SYNE1: variants seen among roughly 807,000 people sequenced by gnomAD.
The protein encoded by SYNE1 is spectrin repeat containing nuclear envelope protein 1.
A neutral mutation model predicts 1,111.0 loss-of-function variants in SYNE1; 616 were observed. That is an observed-to-expected ratio of 0.55 (90% CI 0.52 to 0.59). The LOEUF (loss-of-function observed/expected upper bound fraction) is 0.59. Among genes scored for constraint, SYNE1 ranks in the 20% least tolerant of loss-of-function variants. The pLI is 0.00. For missense variants in SYNE1, 10,006 were observed against 10,417.0 expected, an observed-to-expected ratio of 0.96 and a Z score of 1.72; for synonymous variants, 3,855 against 3,825.8, an observed-to-expected ratio of 1.01 and a Z score of -0.28.
intron 51 of SYNE1, among the ~76,000 whole-genome samples, chr6:152,393,381 TA>T (rs1254249618): frequency 6.6e-6 from 1 of 152,088 alleles, no homozygotes; most frequent in Non-Finnish European, 1.5e-5. Flanking sequence ...CTGGGTGTGT[TA>T]TATTGTATCT....
At chr6:152,581,509 T>C (rs1425732010) in intron 3 of SYNE1, among the ~76,000 whole-genome samples, 1 of 152,208 alleles carries the variant, frequency 6.6e-6, no homozygotes, top group Non-Finnish European at 1.5e-5. Flanking sequence ...AAACATGCAG[T>C]TACCATGTGG....
At position 152,425,388 on chromosome 6, in the gene SYNE1, T is replaced by C. The variant is rs2154194638; in HGVS notation, c.5260A>G (p.Asn1754Asp). 1 of 1,614,136 alleles carries C rather than the reference T, an allele frequency of 6.2e-7. No homozygotes were observed. Among genetic ancestry groups the C allele is most frequent in the Non-Finnish European group, 8.5e-7 (1 of 1,179,966 alleles). Reference protein sequence around the residue: ...ERWRDLPQIINKRINFLQSVV... With the variant: ...ERWRDLPQIIDKRINFLQSVV... ...TTATCTTTTAGAACCAACCTTTTGT[T>C]AATGATCTGTGGTAAATCTCTCCAT... The change falls in exon 39 of 146, where the codon AAC becomes GAC. Residue 1754 changes from asparagine (N) to aspartate (D), a missense_variant. Asn to Asp is a conservative substitution (Grantham distance 23). This residue lies in a region of SYNE1 where 1,971 missense variants were observed against 2,084.1 expected (regional missense o/e 0.95). Coordinates refer to ENST00000367255, the MANE Select transcript of SYNE1 (RefSeq NM_182961.4).
chr6:152,449,506 T>G, intron 28 of SYNE1, 27 bp downstream of exon 28: 1 of 1,536,446 alleles, frequency 6.5e-7, no homozygotes, highest in Non-Finnish European at 9.0e-7. Flanking sequence ...GAAATTTTCC[T>G]CTAGCAAATA....
intron 76 of SYNE1, chr6:152,336,563 C>T (rs1226609250): frequency 1.0e-5 from 5 of 482,538 alleles, no homozygotes; most frequent in Non-Finnish European, 1.1e-5. Flanking sequence ...GTAGGGTTTG[C>T]ACTCCTATGA....
chr6:152,206,409 T>C, intron 125 of SYNE1, 47 bp from the exon 126 acceptor site: 1 of 1,606,370 alleles, frequency 6.2e-7, no homozygotes, highest in East Asian at 2.2e-5. Flanking sequence ...TCTTTCATCG[T>C]TTCCTTCCCA....
Position 152,132,187 on chromosome 6 carries a change from C to T in SYNE1, c.26029G>A (p.Glu8677Lys). 1 of 1,614,150 alleles carries T rather than the reference C, an allele frequency of 6.2e-7. No homozygotes were observed. Among genetic ancestry groups the T allele is most frequent in the Non-Finnish European group, 8.5e-7 (1 of 1,180,004 alleles). ...QDLSSWSSAD[E>K]LDTSGSVSPT... Reference sequence around the variant, plus strand: ...CTCACAGACCCTGAGGTGTCCAGTTCATCAGCAGAAGACCAGGAAGACAAA... The same window carrying T: ...CTCACAGACCCTGAGGTGTCCAGTTTATCAGCAGAAGACCAGGAAGACAAA... Residue 8677 changes from glutamate (E) to lysine (K), a missense_variant, in exon 144 of 146, where the codon GAA (glutamate) becomes AAA (lysine). Glu to Lys is a moderately conservative substitution (Grantham distance 56). Coordinates refer to ENST00000367255, the MANE Select transcript of SYNE1 (RefSeq NM_182961.4).
At chr6:152,316,819 C>A in intron 87 of SYNE1, 30 bp downstream of exon 87, 1 of 1,613,554 alleles carries the variant, frequency 6.2e-7, no homozygotes, top group South Asian at 1.1e-5. Context: ...CCCTTGGTTA[C>A]TTTTTAAAGA....
intron 131 of SYNE1, among the ~76,000 whole-genome samples, chr6:152,163,069 G>A (rs371539124): frequency 6.6e-6 from 1 of 152,130 alleles, no homozygotes; most frequent in Non-Finnish European, 1.5e-5. Context: ...TTGCTGCAAT[G>A]GCCTAAATGT....
chr6:152,491,415 T>C (rs533071440), intron 11 of SYNE1, among the ~76,000 whole-genome samples: 2 of 152,266 alleles, frequency 1.3e-5, no homozygotes, highest in South Asian at 4.1e-4. Flanking sequence ...CCTTTCTCTT[T>C]AAACTTACCT....
Position 152,219,176 on chromosome 6 carries a change from TGAG to T in SYNE1, c.21868_21870del (p.Leu7290del), listed in dbSNP as rs1238070162. ...GAATCTTTAACTGTGCCCAGTCCTT[TGAG>T]GAGGTCCTAGAAGAGGTGAAAATAT... On this transcript the variant is annotated inframe_deletion, in exon 120 of 146. Transcript: ENST00000367255. 1.2e-6 allele frequency: 2 copies of T among 1,613,856 alleles called. No individual in the cohort carries two copies. Among genetic ancestry groups the T allele is most frequent in the South Asian group, 2.2e-5 (2 of 91,070 alleles).
intron 62 of SYNE1, among the ~76,000 whole-genome samples, chr6:152,366,709 A>G (rs546473248): frequency 3.9e-4 from 59 of 152,294 alleles, no homozygotes; most frequent in African/African-American, 1.4e-3. Context: ...GAAAAAGACT[A>G]TGTTATTCAC....
chr6:152,182,905 CTAAG>C (rs1283884393), intron 128 of SYNE1, among the ~76,000 whole-genome samples: 1 of 152,130 alleles, frequency 6.6e-6, no homozygotes, highest in African/African-American at 2.4e-5. Flanking sequence ...GGTGAACCTA[CTAAG>C]TATTTCCCCA....
Position 152,564,959 on chromosome 6 carries a change from A to C in SYNE1, c.68-24938T>G, listed in dbSNP as rs2099407755. 2.6e-5 allele frequency among the ~76,000 whole-genome samples: 4 copies of C among 152,208 alleles called. No individual in the cohort carries two copies. In the South Asian group the frequency reaches 8.3e-4, roughly 32 times the overall value. ...ATTTTATGTAAATGCTGTGTCCAAC[A>C]CTTATCACATAGTATTCATTCATCA... On this transcript the variant is annotated intron_variant, in intron 3 of 145. Coordinates refer to ENST00000367255, the MANE Select transcript of SYNE1 (RefSeq NM_182961.4).
Position 152,325,316 on chromosome 6 carries a change from T to A in SYNE1, c.15439-14A>T. 6.2e-7 allele frequency: 1 copy of A among 1,613,444 alleles called. No homozygotes were observed. The highest frequency in any genetic ancestry group is 8.5e-7 in the Non-Finnish European group (1 of 1,179,416). ...TGACACTAAAGCCTAGGGTTGGGGG[T>A]GGAGGACGGAAGAGAGGAGACAAGG... On this transcript the variant is annotated splice_polypyrimidine_tract_variant and intron_variant, in intron 80 of 145. Transcript: ENST00000367255.
intron 28 of SYNE1, among the ~76,000 whole-genome samples, chr6:152,448,181 G>T (rs2098608778): frequency 1.3e-5 from 2 of 152,262 alleles, no homozygotes; most frequent in Middle Eastern, 3.4e-3. Flanking sequence ...AGTATAAATG[G>T]GAGCACAGCT....
In SYNE1 at chr6:152,542,591, T is replaced by C. The variant is rs117536368; in HGVS notation, c.68-2570A>G. Among the ~76,000 whole-genome samples, 20 of 152,218 alleles carry C rather than the reference T, an allele frequency of 1.3e-4. No individual in the cohort carries two copies. The East Asian group carries it at 3.7e-3, about 28-fold the overall frequency. Reference sequence around the variant, plus strand: ...AATGCCCATTTTACATATAAAACTGTCAAGACACTGAACTACCAAGGTCAT... The same window carrying C: ...AATGCCCATTTTACATATAAAACTGCCAAGACACTGAACTACCAAGGTCAT... On this transcript the variant is annotated intron_variant, in intron 3 of 145. Coordinates refer to ENST00000367255, the MANE Select transcript of SYNE1 (RefSeq NM_182961.4).
At chr6:152,605,411 A>G (rs2758792) in intron 3 of SYNE1, among the ~76,000 whole-genome samples, 112,760 of 152,104 alleles carry the variant, frequency 0.74, 42,069 homozygotes, top group African/African-American at 0.79. Context: ...GTACTTCAAA[A>G]TACTGATTGT....
intron 40 of SYNE1, among the ~76,000 whole-genome samples, chr6:152,417,485 A>G (rs1236975269): frequency 6.7e-6 from 1 of 149,574 alleles, no homozygotes; most frequent in Non-Finnish European, 1.5e-5. Flanking sequence ...GAAACAGTGT[A>G]AAACTCCGTC....
At chr6:152,539,493 C>T (rs2099259149) in intron 4 of SYNE1, among the ~76,000 whole-genome samples, 1 of 152,136 alleles carries the variant, frequency 6.6e-6, no homozygotes, top group Non-Finnish European at 1.5e-5. Flanking sequence ...TTAGCCTTTT[C>T]ATGTCCTATT....
Sources: allele counts gnomAD v4.1 joint callset (sites outside exome capture counted in the v4.1 genomes callset), GRCh38; gene constraint gnomAD v4.1.1; regional missense constraint gnomAD v4.1.1; transcripts MANE v1.5; gene names NCBI Gene and HGNC (gene_info 2026-07-23, HGNC 2026-07-21).